Variants in KLHDC2 observed in about 807,000 individuals in gnomAD.
KLHDC2 encodes the protein kelch domain containing 2.
KLHDC2 carries 38 observed loss-of-function variants against 62.3 expected under a neutral mutation model. That is an observed-to-expected ratio of 0.61 (90% CI 0.47 to 0.80). The LOEUF (loss-of-function observed/expected upper bound fraction) is 0.80, where lower values mean the gene tolerates loss of function less well. Ranked by LOEUF, KLHDC2 falls within the 30% of genes least tolerant of loss-of-function variation. The pLI, the probability that KLHDC2 is intolerant of heterozygous loss-of-function variation, is 0.00. For synonymous variants in KLHDC2, 159 were observed against 161.0 expected (o/e 0.99, Z 0.09); for missense variants, 430 against 495.3 (o/e 0.87, Z 1.25).
rs766335707 is a variant in KLHDC2, at chr14:49,782,351, G to A, written c.957-19G>A. On this transcript the variant is annotated intron_variant, in intron 10 of 12. Transcript: ENST00000298307. ...TGGTGTTCTGGGTGGCTTCAAACTC[G>A]TTTTTGTTTTAAATGCAGGTTATGG... The A allele has an allele frequency of 1.6e-5, 26 of 1,585,770 alleles. No individual in the cohort carries two copies. Among genetic ancestry groups the A allele is most frequent in the East Asian group, 9.0e-5 (4 of 44,468 alleles).
intron 3 of KLHDC2, among the ~76,000 whole-genome samples, chr14:49,776,865 C>T (rs914669979): frequency 2.0e-5 from 3 of 150,824 alleles, no homozygotes; most frequent in African/African-American, 2.4e-5. Context: ...TGCAGTGAGC[C>T]GAGATCATGC....
At chr14:49,780,111 G>T (rs1321728818) in intron 8 of KLHDC2, 102 bp from the exon 9 acceptor site, 4 of 756,878 alleles carry the variant, frequency 5.3e-6, no homozygotes, top group East Asian at 2.6e-5. Flanking sequence ...TAAACTTAAG[G>T]TCTCTTTTTT....
intron 3 of KLHDC2, chr14:49,774,895 A>G (rs1339882258): frequency 3.9e-6 from 2 of 508,032 alleles, no homozygotes; most frequent in Non-Finnish European, 6.9e-6. Context: ...ACCTGTGTGC[A>G]GTAACTTCCT....
intron 10 of KLHDC2, among the ~76,000 whole-genome samples, chr14:49,781,662 A>G (rs1323199144): frequency 1.3e-5 from 2 of 151,618 alleles, no homozygotes; most frequent in African/African-American, 4.9e-5. Flanking sequence ...GCACCACTGC[A>G]CTCCAGCCTG....
chr14:49,785,154 T>A lies in KLHDC2; in HGVS notation c.*2201T>A. The A allele has an allele frequency of 6.2e-7, 1 of 1,601,846 alleles. No individual in the cohort carries two copies. Among genetic ancestry groups the A allele is most frequent in the Non-Finnish European group, 8.6e-7 (1 of 1,168,926 alleles). On this transcript the variant is annotated 3_prime_UTR_variant, in exon 13 of 13. Coordinates refer to ENST00000298307, the MANE Select transcript of KLHDC2 (RefSeq NM_014315.3). The stretch of plus-strand genomic sequence containing the variant: ...TTTATATCTTTAAAAAGGAATTACA[T>A]GTGTTACTAAATAGACGTTACAAAA...
chr14:49,774,746 T>G lies in KLHDC2; in HGVS notation c.351+68T>G. On this transcript the variant is annotated intron_variant, in intron 3 of 12. Transcript: ENST00000298307. ...TATTATCTTTCAAACAACTGCAAAT[T>G]TCTAAGGTTAGCCCCAGACTTATTT... is the stretch of plus-strand genomic sequence containing the variant. 9.5e-6 allele frequency: 9 copies of G among 946,692 alleles called. No homozygotes were observed. In the South Asian group the frequency reaches 1.2e-4, roughly 12 times the overall value. The allele number at this position is 946,692 out of a possible 1,614,324, so 58.6% of individuals were successfully genotyped here. A position where few individuals can be genotyped will look rare whatever the true frequency, so the allele number is the denominator to read the frequency against.
Position 49,784,622 on chromosome 14 carries a change from G to GA in KLHDC2, c.*1671dup. 6.3e-7 allele frequency: 1 copy of GA among 1,585,394 alleles called. No individual in the cohort carries two copies. The highest frequency in any genetic ancestry group is 8.6e-7 in the Non-Finnish European group (1 of 1,159,118). ...AAATTGGCTCTTCTCAAATATTTTA[G>GA]AATTTCATTTCAGCTATTTCCTTTT... On this transcript the variant is annotated 3_prime_UTR_variant, in exon 13 of 13. Transcript: ENST00000298307.
chr14:49,768,765 T>TG (rs1440919891), intron 1 of KLHDC2, 144 bp downstream of exon 1: 2 of 741,126 alleles, frequency 2.7e-6, no homozygotes, highest in Non-Finnish European at 4.0e-6. Flanking sequence ...GCCCGTTGGT[T>TG]GTTTTTTTTT....
intron 10 of KLHDC2, 60 bp downstream of exon 10, chr14:49,780,835 T>A: frequency 2.2e-6 from 2 of 897,090 alleles, no homozygotes; most frequent in South Asian, 2.6e-5. Context: ...AGGTTTTGGC[T>A]GCATTATATC....
In KLHDC2 at chr14:49,774,673, A is replaced by C. The variant is rs1240867441; in HGVS notation, c.346A>C (p.Asn116His). ...FGGHHSRGNTNKFYMLDSRST... is the reference protein window; with the variant it reads ...FGGHHSRGNTHKFYMLDSRST... ...AGGACACCATTCAAGAGGCAATACC[A>C]ATAAGGTTAGTGTTTCTAAGGATTA... The change falls in exon 3 of 13, where the codon AAT becomes CAT. Residue 116 changes from asparagine to histidine, a missense_variant. Physicochemically the swap from Asn to His is moderately conservative, Grantham distance 68. Transcript: ENST00000298307. 4 of 1,567,338 alleles carry C rather than the reference A, an allele frequency of 2.6e-6. No homozygotes were observed. Among genetic ancestry groups the C allele is most frequent in the Non-Finnish European group, 3.5e-6 (4 of 1,137,290 alleles).
chr14:49,780,246 T>A lies in KLHDC2; in HGVS notation c.807T>A (p.Ser269=). 6.2e-7 allele frequency: 1 copy of A among 1,613,728 alleles called. No individual in the cohort carries two copies. The highest frequency in any genetic ancestry group is 1.1e-5 in the South Asian group (1 of 91,082). The stretch of plus-strand genomic sequence containing the variant: ...AAGGCATATGCCCAGTTGGTCGATC[T>A]TGGCACTCACTAACACCAGTTTCTT... The part of the protein sequence containing the change: ...IPQGICPVGR[S]WHSLTPVSSD... Residue 269 remains serine, a synonymous_variant, in exon 9 of 13, where the codon TCT becomes TCA. Coordinates refer to ENST00000298307, the MANE Select transcript of KLHDC2 (RefSeq NM_014315.3).
rs544116230 is a variant in KLHDC2 at position 49,773,330 on chromosome 14, C to T, written c.234-1231C>T. Among the ~76,000 whole-genome samples the T allele has an allele frequency of 2.4e-3, 346 of 143,772 alleles. 2 individuals are homozygous for T. The highest frequency in any genetic ancestry group is 0.015 in the Middle Eastern group (4 of 268). 94.3% of individuals were successfully genotyped at this position (143,772 alleles called of 152,430 possible). A position where few individuals can be genotyped will look rare whatever the true frequency, so the allele number is the denominator to read the frequency against. ...TCGGGAGGCTGAGGCAGAAGAATGG[C>T]GTGAACCCGGAAGGCAGAGCTTGCA... On this transcript the variant is annotated intron_variant, in intron 2 of 12. Coordinates refer to ENST00000298307, the MANE Select transcript of KLHDC2 (RefSeq NM_014315.3).
At chr14:49,778,600 AC>A (rs1367130608) in intron 6 of KLHDC2, 106 bp downstream of exon 6, 1 of 609,020 alleles carries the variant, frequency 1.6e-6, no homozygotes, top group African/African-American at 1.9e-5. Flanking sequence ...TGTGAAAGTG[AC>A]AGTTCATTCT....
chr14:49,771,559 C>T (rs765988502), intron 1 of KLHDC2, 35 bp from the exon 2 acceptor site: 15 of 905,578 alleles, frequency 1.7e-5, no homozygotes, highest in Non-Finnish European at 2.7e-5. Flanking sequence ...CTTTAAAATA[C>T]CAGTTTTTAT....
chr14:49,770,533 A>G (rs552255478), intron 1 of KLHDC2, among the ~76,000 whole-genome samples: 4 of 152,216 alleles, frequency 2.6e-5, no homozygotes, highest in Non-Finnish European at 5.9e-5. Context: ...TACTGTGTCA[A>G]CATTGTTCAG....
chr14:49,779,980 C>T (rs1009396384), intron 8 of KLHDC2, 174 bp downstream of exon 8: 3 of 625,074 alleles, frequency 4.8e-6, no homozygotes, highest in Non-Finnish European at 8.4e-6. Context: ...GTTCCTGTAA[C>T]TATGTGCCTA....
intron 10 of KLHDC2, among the ~76,000 whole-genome samples, chr14:49,781,433 T>C (rs1351628722): frequency 1.4e-5 from 2 of 146,620 alleles, no homozygotes; most frequent in African/African-American, 2.5e-5. Context: ...CTTAATCACA[T>C]GGGAGGCGAG....
Position 49,782,357 on chromosome 14 carries a change from GT to G in KLHDC2, c.957-9del. ...TCTGGGTGGCTTCAAACTCGTTTTT[GT>G]TTTAAATGCAGGTTATGGCACACAG... On this transcript the variant is annotated splice_polypyrimidine_tract_variant and intron_variant, in intron 10 of 12. Coordinates refer to ENST00000298307, the MANE Select transcript of KLHDC2 (RefSeq NM_014315.3). 1 of 1,593,044 alleles carries G rather than the reference GT, an allele frequency of 6.3e-7. No individual in the cohort carries two copies. The highest frequency in any genetic ancestry group is 8.6e-7 in the Non-Finnish European group (1 of 1,167,390).
rs1245326981 is a variant in KLHDC2 at position 49,780,033 on chromosome 14, G to A, written c.774-180G>A. ...AGTGTTTGTTGAAAGGAAAAGGTCT[G>A]AAGTTGATTCTAACGTCAAAGAAAA... On this transcript the variant is annotated intron_variant, in intron 8 of 12. Transcript: ENST00000298307. 1.2e-4 allele frequency: 73 copies of A among 620,380 alleles called. 1 individual carries two copies. Among genetic ancestry groups the A allele is most frequent in the South Asian group, 9.1e-4 (44 of 48,262 alleles). 38.4% of individuals were successfully genotyped at this position (620,380 alleles called of 1,614,324 possible). A position where few individuals can be genotyped will look rare whatever the true frequency, so the allele number is the denominator to read the frequency against.
Sources: allele counts gnomAD v4.1 joint callset (sites outside exome capture counted in the v4.1 genomes callset), GRCh38; gene constraint gnomAD v4.1.1; transcripts MANE v1.5; gene names NCBI Gene and HGNC (gene_info 2026-07-23, HGNC 2026-07-21).